The following PDGFC variants were observed in gnomAD, a reference collection of about 807,000 sequenced individuals.
PDGFC encodes the protein platelet-derived growth factor C.
In PDGFC, 12 loss-of-function variants were observed where a neutral mutation model predicts 35.5. The ratio of observed to expected loss-of-function variants is 0.34; its 90% confidence interval spans 0.22 to 0.55. PDGFC has a LOEUF of 0.55. Ranked by LOEUF, PDGFC falls within the 20% of genes least tolerant of loss-of-function variation. The pLI, the probability that PDGFC is intolerant of heterozygous loss-of-function variation, is 0.91. For missense variants in PDGFC, 322 were observed against 412.4 expected, an observed-to-expected ratio of 0.78 and a Z score of 1.90; for synonymous variants, 159 against 148.8, an observed-to-expected ratio of 1.07 and a Z score of -0.50.
chr4:156,767,662 TCCCCATGAATACTACG>T, intron 5 of PDGFC, 95 bp downstream of exon 5: 2 of 669,918 alleles, frequency 3.0e-6, no homozygotes, highest in African/African-American at 3.6e-5. Context: ...CTCTTTTTTT[TCCCCATGAATACTACG>T]TCTTTTTTCC....
chr4:156,813,666 A>C (rs1342560721), intron 2 of PDGFC, among the ~76,000 whole-genome samples: 1 of 152,154 alleles, frequency 6.6e-6, no homozygotes, highest in East Asian at 1.9e-4. Context: ...ATGGTGGACA[A>C]ATAGATGCAG....
At chr4:156,915,360 C>T (rs1731133692) in intron 1 of PDGFC, among the ~76,000 whole-genome samples, 1 of 152,062 alleles carries the variant, frequency 6.6e-6, no homozygotes, top group Non-Finnish European at 1.5e-5. Flanking sequence ...CTCCCATCCA[C>T]CTAATTGGCT....
chr4:156,889,032 C>T (rs945805514), intron 1 of PDGFC, among the ~76,000 whole-genome samples: 2 of 152,154 alleles, frequency 1.3e-5, no homozygotes, highest in East Asian at 1.9e-4. Flanking sequence ...ACAACAAACA[C>T]GTCGTGTGTC....
rs79745011 is a variant in PDGFC, at chr4:156,921,237, G to A, written c.118+49549C>T. ...AGAAAAGAAAGGAACTGCCGCATGC[G>A]TGAAATAACGCTACAAAATTAAGGG... On this transcript the variant is annotated intron_variant, in intron 1 of 5. Coordinates refer to ENST00000502773, the MANE Select transcript of PDGFC (RefSeq NM_016205.3). Among the ~76,000 whole-genome samples, 1,007 of 152,258 alleles carry A rather than the reference G, an allele frequency of 6.6e-3. 6 individuals carry two copies. Among genetic ancestry groups the A allele is most frequent in the African/African-American group, 7.1e-3 (296 of 41,562 alleles).
At chr4:156,873,951 G>A (rs961999400) in intron 1 of PDGFC, 3 of 152,172 alleles carry the variant, frequency 2.0e-5, no homozygotes, top group African/African-American at 7.2e-5. Flanking sequence ...TAAATTGTCT[G>A]AAGCTATCAA....
intron 5 of PDGFC, 82 bp from the exon 6 acceptor site, chr4:156,763,288 A>G: frequency 1.4e-6 from 1 of 711,382 alleles, no homozygotes; most frequent in Non-Finnish European, 2.6e-6. Flanking sequence ...ACGTTTTAGA[A>G]AAGAATCTTG....
At chr4:156,783,169 G>T (rs1731029290) in intron 3 of PDGFC, among the ~76,000 whole-genome samples, 3 of 152,106 alleles carry the variant, frequency 2.0e-5, no homozygotes, top group Admixed American at 2.0e-4. Flanking sequence ...TGAAGAAAAA[G>T]ATGAAGACTG....
chr4:156,938,516 A>G (rs892888924), intron 1 of PDGFC, among the ~76,000 whole-genome samples: 1 of 152,164 alleles, frequency 6.6e-6, no homozygotes, highest in Non-Finnish European at 1.5e-5. Flanking sequence ...TATAATATCA[A>G]ATGATCTAAA....
intron 1 of PDGFC, among the ~76,000 whole-genome samples, chr4:156,966,663 G>A (rs1001246720): frequency 3.3e-5 from 5 of 151,998 alleles, no homozygotes; most frequent in African/African-American, 1.2e-4. Context: ...TGAAATACAA[G>A]TAGACAAAGC....
At chr4:156,906,598 A>T (rs1279610582) in intron 1 of PDGFC, among the ~76,000 whole-genome samples, 1 of 152,120 alleles carries the variant, frequency 6.6e-6, no homozygotes, top group Non-Finnish European at 1.5e-5. Context: ...GGACAGTTTT[A>T]AAAAAGATTT....
intron 1 of PDGFC, among the ~76,000 whole-genome samples, chr4:156,946,327 CAG>C (rs1371337352): frequency 2.0e-5 from 3 of 151,762 alleles, no homozygotes; most frequent in African/African-American, 7.3e-5. Context: ...ATATGGTAAA[CAG>C]AAATATAAAA....
chr4:156,883,225 T>G (rs562079429), intron 1 of PDGFC, among the ~76,000 whole-genome samples: 9 of 152,190 alleles, frequency 5.9e-5, no homozygotes, highest in Non-Finnish European at 1.2e-4. Context: ...TAGTGTTATA[T>G]TTTTCTATTA....
intron 3 of PDGFC, among the ~76,000 whole-genome samples, chr4:156,809,797 T>C (rs959756986): frequency 1.3e-5 from 2 of 151,936 alleles, no homozygotes; most frequent in African/African-American, 4.8e-5. Context: ...TTTATACACA[T>C]TTAAATTAAT....
chr4:156,763,045 A>T lies in PDGFC; in HGVS notation c.*45T>A. On this transcript the variant is annotated 3_prime_UTR_variant, in exon 6 of 6. Transcript: ENST00000502773. ...CATACGTTCTCTAATAGAATCAGCC[A>T]CTGCACTGCACAGCTCTGGGCAAGA... 1 of 947,766 alleles carries T rather than the reference A, an allele frequency of 1.1e-6. No homozygotes were observed. The highest frequency in any genetic ancestry group is 1.7e-6 in the Non-Finnish European group (1 of 572,724). The allele number at this position is 947,766 out of a possible 1,614,324, so 58.7% of individuals were successfully genotyped here.
intron 3 of PDGFC, among the ~76,000 whole-genome samples, chr4:156,806,742 G>C (rs1235687669): frequency 6.6e-6 from 1 of 151,940 alleles, no homozygotes; most frequent in Admixed American, 6.6e-5. Context: ...AAAGTCTTTT[G>C]ATTCTGGAGC....
chr4:156,925,765 C>T (rs527704791), intron 1 of PDGFC, among the ~76,000 whole-genome samples: 38 of 148,934 alleles, frequency 2.6e-4, no homozygotes, highest in African/African-American at 6.6e-4. Flanking sequence ...AAGAGAGAGA[C>T]GGGGGATGGG....
At chr4:156,834,759 GA>G (rs918760451) in intron 2 of PDGFC, among the ~76,000 whole-genome samples, 13 of 151,910 alleles carry the variant, frequency 8.6e-5, no homozygotes, top group South Asian at 4.2e-4. Context: ...TGTTTTTGGG[GA>G]AAAAAATCTC....
intron 1 of PDGFC, among the ~76,000 whole-genome samples, chr4:156,880,304 T>G (rs1730211527): frequency 6.6e-6 from 1 of 152,104 alleles, no homozygotes; most frequent in Admixed American, 6.6e-5. Flanking sequence ...TCATTTACCT[T>G]TCTGAAAATA....
intron 2 of PDGFC, among the ~76,000 whole-genome samples, chr4:156,833,698 T>C (rs1041999728): frequency 2.0e-5 from 3 of 152,244 alleles, no homozygotes; most frequent in African/African-American, 4.8e-5. Flanking sequence ...TATTCTTATA[T>C]AATAGCATAT....
Sources: gnomAD v4.1 joint callset for allele counts (sites outside exome capture counted in the v4.1 genomes callset) on GRCh38, gnomAD v4.1.1 for gene constraint, MANE v1.5 for transcripts, NCBI Gene and HGNC (gene_info 2026-07-23, HGNC 2026-07-21) for gene names.